OTOF: variants seen among roughly 807,000 people sequenced by gnomAD.
The protein encoded by OTOF is otoferlin.
A neutral mutation model predicts 236.8 loss-of-function variants in OTOF; 218 were observed. That is an observed-to-expected ratio of 0.92 (90% confidence interval 0.82 to 1.03). OTOF has a LOEUF of 1.03. OTOF is among the 50% of genes least tolerant of loss of function. The pLI, the probability that OTOF is intolerant of heterozygous loss-of-function variation, is 0.00. For synonymous variants in OTOF, 1,041 were observed against 1,072.5 expected (o/e 0.97, Z 0.57); for missense variants, 2,590 against 2,694.4 (o/e 0.96, Z 0.86).
Position 26,463,859 on chromosome 2 carries a change from A to T in OTOF, c.5103+105T>A, listed in dbSNP as rs1664598333. 2.7e-6 allele frequency: 4 copies of T among 1,474,720 alleles called. No individual in the cohort carries two copies. In the African/African-American group the frequency reaches 5.5e-5, roughly 20 times the overall value. 91.4% of individuals were successfully genotyped at this position (1,474,720 alleles called of 1,614,324 possible). A position where few individuals can be genotyped will look rare whatever the true frequency, so the allele number is the denominator to read the frequency against. ...GAAGGTGCCTGCCAGGCTTTCTGGA[A>T]TGCAGCGGACAGCGTGAGGCCTGGC... On this transcript the variant is annotated intron_variant, in intron 40 of 46. Transcript: ENST00000272371.
chr2:26,478,045 A>G (rs1665406878), intron 18 of OTOF: 4 of 1,433,678 alleles, frequency 2.8e-6, no homozygotes, highest in Admixed American at 2.9e-5. Flanking sequence ...ACTCACGGCT[A>G]CGGGGCTCAG....
chr2:26,464,969 G>A lies in OTOF; in HGVS notation c.4860C>T (p.Cys1620=). 1 of 1,550,626 alleles carries A rather than the reference G, an allele frequency of 6.4e-7. No homozygotes were observed. Among genetic ancestry groups the A allele is most frequent in the Middle Eastern group, 1.7e-4 (1 of 5,788 alleles). Residue 1620 remains cysteine, a synonymous_variant, in exon 39 of 47, where the codon TGC becomes TGT. Coordinates refer to ENST00000272371, the MANE Select transcript of OTOF (RefSeq NM_194248.3). The stretch of plus-strand genomic sequence containing the variant: ...GGGGGCCGTCCACTTTGCCGTCTTT[G>A]CAGAGGCGGGTCAGGATCTGGCTGG... ...MKPSQILTRL[C]KDGKVDGPHF...
chr2:26,548,666 G>C (rs887477638), intron 1 of OTOF, among the ~76,000 whole-genome samples: 2 of 152,170 alleles, frequency 1.3e-5, no homozygotes, highest in African/African-American at 2.4e-5. Flanking sequence ...TCTATGTTTA[G>C]ATACACAAAT....
intron 16 of OTOF, among the ~76,000 whole-genome samples, chr2:26,479,874 C>G (rs907339040): frequency 5.3e-5 from 8 of 152,248 alleles, no homozygotes; most frequent in Non-Finnish European, 1.0e-4. Flanking sequence ...CCAGCCCTGG[C>G]CCAGGCTGTG....
intron 5 of OTOF, among the ~76,000 whole-genome samples, chr2:26,507,591 T>C (rs568783506): frequency 4.6e-5 from 7 of 152,192 alleles, no homozygotes; most frequent in Non-Finnish European, 7.3e-5. Context: ...CTAGTTGAGT[T>C]CTACAATTAC....
At position 26,479,647 on chromosome 2, in the gene OTOF, T is replaced by C. The variant is rs1249783311; in HGVS notation, c.1919A>G (p.Tyr640Cys). Reference protein sequence around the residue: ...PITFEVTIGNYGNEVDGLSRP... With the variant: ...PITFEVTIGNCGNEVDGLSRP... ...GGACAGGCCATCAACTTCGTTCCCA[T>C]AGTTGCCTGGAGCAGAATGGGCCCA... Residue 640 changes from tyrosine to cysteine, a missense_variant, in exon 17 of 47, where the codon TAT (tyrosine) becomes TGT (cysteine). Transcript: ENST00000272371. The C allele has an allele frequency of 3.1e-6, 5 of 1,612,488 alleles. No homozygotes were observed. Among genetic ancestry groups the C allele is most frequent in the Non-Finnish European group, 1.7e-6 (2 of 1,179,672 alleles).
In OTOF at chr2:26,481,018, G is replaced by T. The variant is rs1181752750; in HGVS notation, c.1580-9C>A. On this transcript the variant is annotated splice_polypyrimidine_tract_variant and intron_variant, in intron 14 of 46. Transcript: ENST00000272371. ...CAGTGTGGGCAGGAAGCCTGTGGCA[G>T]TGGGAACAAAAATGAGGGGGCAGCG... The T allele has an allele frequency of 6.2e-7, 1 of 1,608,330 alleles. No individual in the cohort carries two copies. Among genetic ancestry groups the T allele is most frequent in the East Asian group, 2.2e-5 (1 of 44,836 alleles).
intron 8 of OTOF, among the ~76,000 whole-genome samples, chr2:26,501,082 A>G (rs1163843943): frequency 1.3e-5 from 2 of 152,160 alleles, no homozygotes; most frequent in Non-Finnish European, 2.9e-5. Context: ...GAGGGTCTGG[A>G]GCAATGGAGG....
chr2:26,479,801 C>T lies in OTOF; in HGVS notation c.1913-148G>A. 5 of 768,778 alleles carry T rather than the reference C, an allele frequency of 6.5e-6. No individual in the cohort carries two copies. In the South Asian group the frequency reaches 8.6e-5, roughly 13 times the overall value. 47.6% of individuals were successfully genotyped at this position (768,778 alleles called of 1,614,324 possible). On this transcript the variant is annotated intron_variant, in intron 16 of 46. Transcript: ENST00000272371. ...ACGTGACACATCATTAGCCAGAGAGCATTAGCCCGTGTCCCCACTCCGCTG... is the reference window on the plus strand; with the variant it reads ...ACGTGACACATCATTAGCCAGAGAGTATTAGCCCGTGTCCCCACTCCGCTG...
chr2:26,477,123 CAG>C lies in OTOF; in HGVS notation c.2523+47_2523+48del, dbSNP rs1159596271. On this transcript the variant is annotated intron_variant, in intron 21 of 46. Transcript: ENST00000272371. The surrounding 1 kb of genome is among the most constrained non-coding windows in gnomAD (Gnocchi z 4.7). ...TGAGCCCCCTGATCCTGAGGGGCCC[CAG>C]AGAGCCAGCCCTGGATGAGGCAAAG... 6.3e-7 allele frequency: 1 copy of C among 1,587,630 alleles called. No individual in the cohort carries two copies. The highest frequency in any genetic ancestry group is 1.7e-5 in the Admixed American group (1 of 59,164).
intron 12 of OTOF, 116 bp downstream of exon 12, chr2:26,484,358 C>A (rs554774299): frequency 9.0e-7 from 1 of 1,114,314 alleles, no homozygotes. Context: ...GGAGAGTGAG[C>A]GAGAGCAGGG....
intron 3 of OTOF, among the ~76,000 whole-genome samples, chr2:26,522,065 GCACAGCCAGAGCT>G (rs1558513203): frequency 6.6e-6 from 1 of 152,168 alleles, no homozygotes; most frequent in South Asian, 2.1e-4. Context: ...GCACAGCCTC[GCACAGCCAGAGCT>G]TGTCTATGGC....
rs1490625503 is a variant in OTOF, at chr2:26,503,803, G to T, written c.552C>A (p.Asn184Lys). The change falls in exon 6 of 47, where the codon AAC becomes AAA. Residue 184 changes from asparagine (N) to lysine (K), a missense_variant. Physicochemically the swap from Asn to Lys is moderately conservative, Grantham distance 94. Coordinates refer to ENST00000272371, the MANE Select transcript of OTOF (RefSeq NM_194248.3). Reference protein sequence around the residue: ...SVFSAMKLGKNRSHKEEPQRP... With the variant: ...SVFSAMKLGKKRSHKEEPQRP... Reference sequence around the variant, plus strand: ...TTTGGGGCTCCTCCTTGTGAGACCGGTTTTTGCCGAGCTTCATGGCGGAGA... The same window carrying T: ...TTTGGGGCTCCTCCTTGTGAGACCGTTTTTTGCCGAGCTTCATGGCGGAGA... 1 of 1,614,092 alleles carries T rather than the reference G, an allele frequency of 6.2e-7. No homozygotes were observed. Among genetic ancestry groups the T allele is most frequent in the Non-Finnish European group, 8.5e-7 (1 of 1,179,966 alleles).
At chr2:26,520,918 G>A (rs1666661612) in intron 3 of OTOF, among the ~76,000 whole-genome samples, 1 of 152,212 alleles carries the variant, frequency 6.6e-6, no homozygotes, top group African/African-American at 2.4e-5. Flanking sequence ...GCACGGCTGG[G>A]ATATCCTCTT....
At chr2:26,547,425 T>C (rs1289565304) in intron 1 of OTOF, among the ~76,000 whole-genome samples, 1 of 152,224 alleles carries the variant, frequency 6.6e-6, no homozygotes, top group Non-Finnish European at 1.5e-5. Context: ...GGCTGTAATT[T>C]TCTTTTTGTG....
intron 9 of OTOF, among the ~76,000 whole-genome samples, chr2:26,491,035 A>C (rs1665828744): frequency 6.6e-6 from 1 of 151,960 alleles, no homozygotes; most frequent in South Asian, 2.1e-4. Context: ...ACCTGGGGAG[A>C]GCATGGGAGG....
intron 1 of OTOF, 145 bp from the exon 2 acceptor site, chr2:26,537,919 G>A: frequency 1.4e-6 from 1 of 706,838 alleles, no homozygotes; most frequent in Non-Finnish European, 2.6e-6. Context: ...ACCTCTCCCA[G>A]GGTGAGGCCA....
chr2:26,497,261 C>T (rs114792160), intron 8 of OTOF, among the ~76,000 whole-genome samples: 2,132 of 152,150 alleles, frequency 0.014, 48 homozygotes, highest in African/African-American at 0.048. Context: ...TGCCACCGCA[C>T]GGCTAATTTT....
At chr2:26,505,805 C>T (rs1666233673) in intron 5 of OTOF, among the ~76,000 whole-genome samples, 1 of 152,192 alleles carries the variant, frequency 6.6e-6, no homozygotes, top group Admixed American at 6.5e-5. Flanking sequence ...GGCTGGCACC[C>T]ATAGGTACAG....
Sources: allele counts gnomAD v4.1 joint callset (sites outside exome capture counted in the v4.1 genomes callset), GRCh38; gene constraint gnomAD v4.1.1; non-coding constraint Gnocchi (gnomAD v3.1); transcripts MANE v1.5; gene names NCBI Gene and HGNC (gene_info 2026-07-23, HGNC 2026-07-21).